LITAF: variants seen among roughly 807,000 people sequenced by gnomAD.
LITAF encodes the protein lipopolysaccharide-induced tumor necrosis factor-alpha factor.
Under a neutral mutation model 14.5 loss-of-function variants are expected in LITAF, and 9 were observed. The ratio of observed to expected loss-of-function variants is 0.62; its 90% CI spans 0.37 to 1.08. LITAF has a LOEUF of 1.08. Among genes scored for constraint, LITAF ranks in the 50% least tolerant of loss-of-function variants. The pLI is 0.01. For missense variants in LITAF, 206 were observed against 213.4 expected, an observed-to-expected ratio of 0.97 and a Z score of 0.22; for synonymous variants, 98 against 88.2, an observed-to-expected ratio of 1.11 and a Z score of -0.62.
At chr16:11,631,582 G>A (rs1190560404) in intron 3 of LITAF, among the ~76,000 whole-genome samples, 2 of 152,192 alleles carry the variant, frequency 1.3e-5, no homozygotes, top group African/African-American at 2.4e-5. Flanking sequence ...TAGAGACAGG[G>A]TTTCACTACG....
At chr16:11,608,630 C>G (rs938073479) in intron 3 of LITAF, among the ~76,000 whole-genome samples, 1 of 152,166 alleles carries the variant, frequency 6.6e-6, no homozygotes, top group South Asian at 2.1e-4. Context: ...GTGGATGAAC[C>G]TTGGAAACAG....
chr16:11,587,236 C>A, upstream of LITAF: 1 of 388,238 alleles, frequency 2.6e-6, no homozygotes, highest in South Asian at 1.8e-5. Context: ...CCCGTCCGCC[C>A]CCGACAGCCT....
rs758357340 is a variant in LITAF at position 11,547,961 on chromosome 16, G to A, written c.*1676C>T. 2.2e-5 allele frequency: 10 copies of A among 454,124 alleles called. No individual in the cohort carries two copies. The highest frequency in any genetic ancestry group is 1.6e-4 in the South Asian group (10 of 64,476). 28.1% of individuals were successfully genotyped at this position (454,124 alleles called of 1,614,324 possible). A position where few individuals can be genotyped will look rare whatever the true frequency, so the allele number is the denominator to read the frequency against. ...GTAGCAATGGCTGGAAATGCAACAT[G>A]AGCCCTTTCTTCACACCAAAAGAAC... is the stretch of plus-strand genomic sequence containing the variant. On this transcript the variant is annotated 3_prime_UTR_variant, in exon 4 of 4. Transcript: ENST00000622633.
At chr16:11,557,417 T>C (rs956206322) in intron 1 of LITAF, among the ~76,000 whole-genome samples, 1 of 152,176 alleles carries the variant, frequency 6.6e-6, no homozygotes, top group African/African-American at 2.4e-5. Context: ...AATTAAAATG[T>C]ATATACTTTT....
chr16:11,587,476 G>A (rs184324440), upstream of LITAF: 2 of 453,720 alleles, frequency 4.4e-6, no homozygotes, highest in East Asian at 7.0e-5. Context: ...CTCTGAGCTC[G>A]GCTTCCTGTC....
intron 2 of LITAF, among the ~76,000 whole-genome samples, chr16:11,635,645 C>G (rs1040778985): frequency 6.6e-6 from 1 of 152,228 alleles, no homozygotes; most frequent in Non-Finnish European, 1.5e-5. Flanking sequence ...CCATATCTGT[C>G]TCTCTGACCA....
chr16:11,587,197 C>A (rs889323351), upstream of LITAF: 9 of 365,934 alleles, frequency 2.5e-5, no homozygotes, highest in African/African-American at 1.7e-4. Context: ...ACTCTCCTAT[C>A]CTGCCCCTGC....
chr16:11,612,907 T>A (rs1455222984), intron 3 of LITAF, among the ~76,000 whole-genome samples: 4 of 152,148 alleles, frequency 2.6e-5, no homozygotes, highest in Admixed American at 2.0e-4. Flanking sequence ...TGTGTCCCCC[T>A]AGAATCTTGA....
intron 3 of LITAF, among the ~76,000 whole-genome samples, chr16:11,608,211 G>A (rs2064964380): frequency 6.6e-6 from 1 of 152,162 alleles, no homozygotes; most frequent in South Asian, 2.1e-4. Flanking sequence ...TGAGCGAGTG[G>A]CCCAAGATCA....
rs1212341368 is a variant in LITAF, at chr16:11,548,016, A to C, written c.*1621T>G. On this transcript the variant is annotated 3_prime_UTR_variant, in exon 4 of 4. Transcript: ENST00000622633. ...AAATAGTTCACCGGGTGAACCAAAG[A>C]CTTTATTTTTCAAAAGCAGGTAACA... is the stretch of plus-strand genomic sequence containing the variant. 7 of 453,988 alleles carry C rather than the reference A, an allele frequency of 1.5e-5. No homozygotes were observed. Among genetic ancestry groups the C allele is most frequent in the South Asian group, 1.1e-4 (7 of 64,484 alleles). 28.1% of individuals were successfully genotyped at this position (453,988 alleles called of 1,614,324 possible).
At chr16:11,607,303 C>T (rs1185468106) in intron 3 of LITAF, among the ~76,000 whole-genome samples, 2 of 152,210 alleles carry the variant, frequency 1.3e-5, no homozygotes, top group Non-Finnish European at 2.9e-5. Flanking sequence ...AGAGCTGTGT[C>T]GAGAACAGTG....
chr16:11,627,823 A>G (rs1252800990), intron 3 of LITAF, among the ~76,000 whole-genome samples: 1 of 152,094 alleles, frequency 6.6e-6, no homozygotes, highest in African/African-American at 2.4e-5. Flanking sequence ...CAGCCTGGGT[A>G]ACAGAGCAAG....
intron 3 of LITAF, among the ~76,000 whole-genome samples, chr16:11,616,792 G>T (rs1196560876): frequency 6.7e-6 from 1 of 150,108 alleles, no homozygotes; most frequent in Non-Finnish European, 1.5e-5. Context: ...CACACGTGTG[G>T]TCCCAACTAC....
chr16:11,628,009 C>CAAAAAAAA (rs34480494), intron 3 of LITAF, among the ~76,000 whole-genome samples: 1 of 54,738 alleles, frequency 1.8e-5, no homozygotes, highest in African/African-American at 9.8e-5. Flanking sequence ...GAGACTCTGT[C>CAAAAAAAA]AAAAAAAAAA....
intron 1 of LITAF, among the ~76,000 whole-genome samples, chr16:11,597,729 C>G (rs2064899265): frequency 6.6e-6 from 1 of 152,148 alleles, no homozygotes; most frequent in Admixed American, 6.6e-5. Context: ...AGAACAGAAA[C>G]AAGCAGTTCT....
intron 3 of LITAF, among the ~76,000 whole-genome samples, chr16:11,621,146 C>A (rs1301624542): frequency 6.6e-6 from 1 of 152,106 alleles, no homozygotes; most frequent in East Asian, 1.9e-4. Context: ...CTCACCGCAA[C>A]CTCCGCCTCC....
upstream of LITAF, among the ~76,000 whole-genome samples, chr16:11,638,117 T>TATAGATAGATATAGATAGATAGATAG (rs138178230): frequency 3.5e-4 from 24 of 69,534 alleles, no homozygotes; most frequent in African/African-American, 1.8e-3. Context: ...TATCTATCTA[T>TATAGATAGATATAGATAGATAGATAG]ATAGATAGAT....
chr16:11,559,273 T>A (rs2064320746), intron 1 of LITAF, among the ~76,000 whole-genome samples: 1 of 151,962 alleles, frequency 6.6e-6, no homozygotes, highest in Non-Finnish European at 1.5e-5. Context: ...AAAAAAGAAA[T>A]GAGCTAGTGT....
intron 1 of LITAF, among the ~76,000 whole-genome samples, chr16:11,560,566 G>C (rs1456190335): frequency 1.4e-5 from 2 of 144,144 alleles, no homozygotes; most frequent in Non-Finnish European, 3.0e-5. Flanking sequence ...CTGGGCCACA[G>C]AGCGAGATTC....
Sources: allele counts gnomAD v4.1 joint callset (sites outside exome capture counted in the v4.1 genomes callset), GRCh38; gene constraint gnomAD v4.1.1; transcripts MANE v1.5; gene names NCBI Gene and HGNC (gene_info 2026-07-23, HGNC 2026-07-21).